PDE4D: variants seen among roughly 807,000 people sequenced by gnomAD.
PDE4D encodes the protein phosphodiesterase 4D.
PDE4D carries 24 observed loss-of-function variants against 87.4 expected under a neutral mutation model. That is an observed-to-expected ratio of 0.27 (90% CI 0.20 to 0.39). The LOEUF (loss-of-function observed/expected upper bound fraction) is 0.39. Among genes scored for constraint, PDE4D ranks in the 10% least tolerant of loss-of-function variants. PDE4D has a pLI of 1.00. For synonymous variants in PDE4D, 384 were observed against 383.2 expected, an observed-to-expected ratio of 1.00 and a Z score of -0.02; for missense variants, 714 against 1,041.0, an observed-to-expected ratio of 0.69 and a Z score of 4.32.
chr5:59,575,059 C>A (rs1822901868), intron 1 of PDE4D, among the ~76,000 whole-genome samples: 1 of 152,058 alleles, frequency 6.6e-6, no homozygotes. Context: ...TAAAAATTAT[C>A]ATTTCTACAA....
At chr5:59,511,500 G>A (rs1183862586) in intron 1 of PDE4D, among the ~76,000 whole-genome samples, 1 of 151,774 alleles carries the variant, frequency 6.6e-6, no homozygotes, top group Non-Finnish European at 1.5e-5. Flanking sequence ...ATATAATTAG[G>A]AACTAATAAA....
At chr5:59,534,396 C>T (rs982305974) in intron 1 of PDE4D, among the ~76,000 whole-genome samples, 3 of 152,126 alleles carry the variant, frequency 2.0e-5, no homozygotes, top group Non-Finnish European at 4.4e-5. Flanking sequence ...ACTATTTTGC[C>T]TGCATTCCAA....
chr5:59,180,552 T>A, intron 5 of PDE4D, 43 bp downstream of exon 5: 1 of 1,561,012 alleles, frequency 6.4e-7, no homozygotes, highest in Non-Finnish European at 8.8e-7. Context: ...CAGAAATGGT[T>A]TCTTCCTAGA....
chr5:60,242,056 G>A (rs1345407937), intron 1 of PDE4D, among the ~76,000 whole-genome samples: 1 of 152,046 alleles, frequency 6.6e-6, no homozygotes, highest in Non-Finnish European at 1.5e-5. Context: ...TATATCTGGT[G>A]CTAATATCCT....
chr5:60,262,804 T>G (rs1749788386), intron 1 of PDE4D, among the ~76,000 whole-genome samples: 1 of 152,110 alleles, frequency 6.6e-6, no homozygotes, highest in Non-Finnish European at 1.5e-5. Context: ...GACAGGGTAT[T>G]GTTTCACACT....
At chr5:60,188,856 A>G (rs1583016553) in intron 1 of PDE4D, among the ~76,000 whole-genome samples, 1 of 152,240 alleles carries the variant, frequency 6.6e-6, no homozygotes, top group Non-Finnish European at 1.5e-5. Flanking sequence ...GTTTTTGTCT[A>G]CTCTTCCATA....
intron 3 of PDE4D, among the ~76,000 whole-genome samples, chr5:59,186,128 T>C (rs951493422): frequency 2.0e-5 from 3 of 152,292 alleles, no homozygotes; most frequent in African/African-American, 2.4e-5. Flanking sequence ...GATGGGATTA[T>C]AGGTGATTTG....
At chr5:60,367,096 T>G (rs1206008853) in intron 1 of PDE4D, among the ~76,000 whole-genome samples, 2 of 152,182 alleles carry the variant, frequency 1.3e-5, no homozygotes, top group African/African-American at 4.8e-5. Context: ...AGAACCAATT[T>G]TTTTTTGTTG....
rs1409194165 is a variant in PDE4D at position 60,303,118 on chromosome 5, C to T, written c.-89-117431G>A. On this transcript the variant is annotated intron_variant, in intron 1 of 16. Transcript: ENST00000502484. ...TACTGGGATTACAGGCGTGAGCCACCGTGCCCAGCCTAAATTTCCCTCTTA... is the reference window on the plus strand; with the variant it reads ...TACTGGGATTACAGGCGTGAGCCACTGTGCCCAGCCTAAATTTCCCTCTTA... Among the ~76,000 whole-genome samples the T allele has an allele frequency of 5.9e-5, 9 of 152,158 alleles. 1 individual carries two copies. The East Asian group carries it at 1.4e-3, about 23-fold the overall frequency.
At chr5:60,458,987 GTGTGTGTGTGTGTGT>G (rs528537021) in intron 1 of PDE4D, among the ~76,000 whole-genome samples, 175 of 151,980 alleles carry the variant, frequency 1.2e-3, no homozygotes, top group African/African-American at 4.1e-3. Context: ...GTTTGTGTGT[GTGTGTGTGTGTGTGT>G]TGTGTGTGTG....
At chr5:59,177,110 AAT>A (rs1238696017) in intron 5 of PDE4D, among the ~76,000 whole-genome samples, 3 of 152,038 alleles carry the variant, frequency 2.0e-5, no homozygotes, top group Non-Finnish European at 2.9e-5. Flanking sequence ...ATCCTAACCC[AAT>A]ATGTGTTGGT....
At chr5:59,232,823 TATATACAC>T (rs1471201724) in intron 1 of PDE4D, among the ~76,000 whole-genome samples, 10 of 144,998 alleles carry the variant, frequency 6.9e-5, no homozygotes, top group Admixed American at 6.8e-4. Context: ...TATATATATA[TATATACAC>T]ACACACATAC....
At chr5:59,647,390 T>C (rs1742643854) in intron 1 of PDE4D, among the ~76,000 whole-genome samples, 2 of 152,064 alleles carry the variant, frequency 1.3e-5, no homozygotes. Context: ...TAATATTTCC[T>C]ATCTTTCTCT....
At chr5:59,843,529 T>A (rs1176092033) in intron 1 of PDE4D, among the ~76,000 whole-genome samples, 6 of 152,062 alleles carry the variant, frequency 3.9e-5, no homozygotes, top group African/African-American at 1.4e-4. Flanking sequence ...CTTGAAGATG[T>A]GTCTGAAGGA....
chr5:59,978,251 G>A (rs1314665325), intron 3 of PDE4D, among the ~76,000 whole-genome samples: 3 of 152,050 alleles, frequency 2.0e-5, no homozygotes, highest in African/African-American at 7.2e-5. Flanking sequence ...AAAGTAAGTC[G>A]AAAACTTTCT....
chr5:60,387,949 G>T (rs866508635), intron 1 of PDE4D, among the ~76,000 whole-genome samples: 2 of 152,164 alleles, frequency 1.3e-5, no homozygotes, highest in Non-Finnish European at 2.9e-5. Flanking sequence ...TCAAGTTGGG[G>T]TTTCCATGAC....
At chr5:59,423,890 G>T (rs1794837225) in intron 1 of PDE4D, among the ~76,000 whole-genome samples, 1 of 150,978 alleles carries the variant, frequency 6.6e-6, no homozygotes, top group Non-Finnish European at 1.5e-5. Context: ...ATTTTAGAAA[G>T]TGGATCTGTG....
intron 1 of PDE4D, among the ~76,000 whole-genome samples, chr5:59,259,366 T>G (rs187363659): frequency 6.6e-6 from 1 of 152,048 alleles, no homozygotes; most frequent in Admixed American, 6.6e-5. Context: ...CCAGTACATA[T>G]TGTTGGCAAT....
intron 1 of PDE4D, among the ~76,000 whole-genome samples, chr5:59,834,756 T>C (rs1741752079): frequency 6.6e-6 from 1 of 152,100 alleles, no homozygotes; most frequent in African/African-American, 2.4e-5. Context: ...TAATAGTCAC[T>C]AATAGCTTGT....
Sources: gnomAD v4.1 joint callset for allele counts (sites outside exome capture counted in the v4.1 genomes callset) on GRCh38, gnomAD v4.1.1 for gene constraint, MANE v1.5 for transcripts, NCBI Gene and HGNC (gene_info 2026-07-23, HGNC 2026-07-21) for gene names.